The following EGLN1 variants were observed in gnomAD, a reference collection of about 807,000 sequenced individuals.
EGLN1 encodes the protein egl-9 family hypoxia inducible factor 1.
Under a neutral mutation model 38.3 loss-of-function variants are expected in EGLN1, and 17 were observed. That is an observed-to-expected ratio of 0.44 (90% CI 0.30 to 0.67). The LOEUF (loss-of-function observed/expected upper bound fraction) is 0.67, where lower values mean the gene tolerates loss of function less well. Ranked by LOEUF, EGLN1 falls within the 30% of genes least tolerant of loss-of-function variation. EGLN1 has a pLI of 0.08. For synonymous variants in EGLN1, 283 were observed against 257.5 expected (o/e 1.10, Z -0.95); for missense variants, 477 against 603.3 (o/e 0.79, Z 2.19).
intron 1 of EGLN1, 94 bp downstream of exon 1, chr1:231,420,904 G>A (rs781076653): frequency 3.7e-5 from 59 of 1,609,992 alleles, no homozygotes; most frequent in Admixed American, 8.3e-5. Flanking sequence ...CTATATAGAG[G>A]AATGCTGCTT....
chr1:231,377,268 T>G (rs140034564), intron 1 of EGLN1, among the ~76,000 whole-genome samples: 24 of 152,328 alleles, frequency 1.6e-4, no homozygotes, highest in African/African-American at 5.8e-4. Flanking sequence ...AAAGGCTAAT[T>G]AGTATTCGCA....
rs192117490 is a variant in EGLN1, at chr1:231,366,024, C to T, written c.*387G>A. The T allele has an allele frequency of 1.9e-3, 431 of 226,156 alleles. 3 individuals are homozygous for T. The highest frequency in any genetic ancestry group is 9.1e-3 in the African/African-American group (394 of 43,210). 14.0% of individuals were successfully genotyped at this position (226,156 alleles called of 1,614,324 possible). ...CTCAATTCAGTTTAGATAAATTGTA[C>T]CTAATATAGAAAAATTATCCCAAAT... is the stretch of plus-strand genomic sequence containing the variant. On this transcript the variant is annotated 3_prime_UTR_variant, in exon 5 of 5. Coordinates refer to ENST00000366641, the MANE Select transcript of EGLN1 (RefSeq NM_022051.3).
intron 1 of EGLN1, among the ~76,000 whole-genome samples, chr1:231,394,804 C>T (rs1383524050): frequency 6.6e-6 from 1 of 152,046 alleles, no homozygotes; most frequent in Admixed American, 6.6e-5. Context: ...CTAAATTTAT[C>T]TAAATAAATA....
At chr1:231,396,274 T>A (rs505912) in intron 1 of EGLN1, among the ~76,000 whole-genome samples, 1 of 147,356 alleles carries the variant, frequency 6.8e-6, no homozygotes, top group Non-Finnish European at 1.5e-5. Flanking sequence ...TTTTTTGAGA[T>A]TGGGGAGTCT....
In EGLN1 at chr1:231,420,982, C is replaced by G. The variant is rs760569032; in HGVS notation, c.891+16G>C. On this transcript the variant is annotated intron_variant, in intron 1 of 4. Coordinates refer to ENST00000366641, the MANE Select transcript of EGLN1 (RefSeq NM_022051.3). ...GAGAAGGGCCTGTCCAGCACAAACCCGCAGCACACACTTACTTTCGTCCGG... is the reference window on the plus strand; with the variant it reads ...GAGAAGGGCCTGTCCAGCACAAACCGGCAGCACACACTTACTTTCGTCCGG... The G allele has an allele frequency of 6.2e-7, 1 of 1,613,910 alleles. No homozygotes were observed. The highest frequency in any genetic ancestry group is 1.1e-5 in the South Asian group (1 of 91,046).
chr1:231,405,940 T>C (rs540817), intron 1 of EGLN1, among the ~76,000 whole-genome samples: 131,168 of 149,178 alleles, frequency 0.88, 58,016 homozygotes, highest in South Asian at 0.92. Flanking sequence ...AAAACTAGTA[T>C]GAATTCTAGT....
At chr1:231,382,057 T>C (rs1358899865) in intron 1 of EGLN1, among the ~76,000 whole-genome samples, 1 of 152,216 alleles carries the variant, frequency 6.6e-6, no homozygotes, top group Non-Finnish European at 1.5e-5. Flanking sequence ...ATATAATTCG[T>C]TGGAAGAGTC....
At chr1:231,384,155 C>T (rs1688137662) in intron 1 of EGLN1, among the ~76,000 whole-genome samples, 3 of 151,666 alleles carry the variant, frequency 2.0e-5, no homozygotes, top group African/African-American at 4.8e-5. Flanking sequence ...ATGGTGCTGG[C>T]GAGAGAGAAA....
At chr1:231,385,883 G>T (rs948548246) in intron 1 of EGLN1, among the ~76,000 whole-genome samples, 2 of 152,146 alleles carry the variant, frequency 1.3e-5, no homozygotes, top group Admixed American at 6.5e-5. Flanking sequence ...CTGAGACACG[G>T]TCTTGCTCTG....
At chr1:231,387,561 G>T (rs959153034) in intron 1 of EGLN1, among the ~76,000 whole-genome samples, 1 of 151,734 alleles carries the variant, frequency 6.6e-6, no homozygotes, top group Non-Finnish European at 1.5e-5. Flanking sequence ...GGGTTTCGCC[G>T]TGTTAGCCAG....
chr1:231,409,671 G>A (rs1482588996), intron 1 of EGLN1, among the ~76,000 whole-genome samples: 1 of 152,164 alleles, frequency 6.6e-6, no homozygotes, highest in African/African-American at 2.4e-5. Flanking sequence ...GCCAAAGTAA[G>A]AGACAGACGA....
intron 1 of EGLN1, 42 bp downstream of exon 1, chr1:231,420,956 C>A: frequency 6.2e-7 from 1 of 1,613,688 alleles, no homozygotes; most frequent in South Asian, 1.1e-5. Context: ...GGCTGCCCGC[C>A]GAGAAGGGCC....
At position 231,401,310 on chromosome 1, in the gene EGLN1, C is replaced by T. The variant is rs546052199; in HGVS notation, c.891+19688G>A. ...ATGAGGAAAATAGTAATGACCTGCA[C>T]CTCATATGGTTGCTATGATAATTAA... is the stretch of plus-strand genomic sequence containing the variant. On this transcript the variant is annotated intron_variant, in intron 1 of 4. Coordinates refer to ENST00000366641, the MANE Select transcript of EGLN1 (RefSeq NM_022051.3). 5.3e-5 allele frequency among the ~76,000 whole-genome samples: 8 copies of T among 152,212 alleles called. No homozygotes were observed. In the East Asian group the frequency reaches 1.4e-3, roughly 26 times the overall value.
intron 1 of EGLN1, among the ~76,000 whole-genome samples, chr1:231,406,176 A>G (rs1688789616): frequency 1.3e-5 from 2 of 151,884 alleles, no homozygotes; most frequent in South Asian, 4.2e-4. Context: ...AAAAAAAAAA[A>G]AAATTTCAGG....
chr1:231,398,724 T>A (rs1269135801), intron 1 of EGLN1, among the ~76,000 whole-genome samples: 1 of 148,202 alleles, frequency 6.7e-6, no homozygotes, highest in Non-Finnish European at 1.5e-5. Context: ...ATAATGGAGG[T>A]AGGGAGATGA....
chr1:231,394,419 C>T (rs1246984644), intron 1 of EGLN1, among the ~76,000 whole-genome samples: 1 of 144,200 alleles, frequency 6.9e-6, no homozygotes, highest in East Asian at 2.0e-4. Flanking sequence ...CGCTCTGTTG[C>T]CCAGGTTGGA....
chr1:231,421,405 G>A lies in EGLN1; in HGVS notation c.484C>T (p.Leu162=). ...CCGGGCGTGTTGCTTGGGGGGTACAGGTTCGCCTTCTCCTGGAACAGCGAT... is the reference window on the plus strand; with the variant it reads ...CCGGGCGTGTTGCTTGGGGGGTACAAGTTCGCCTTCTCCTGGAACAGCGAT... The part of the protein sequence containing the change: ...RSSLFQEKAN[L]YPPSNTPGDA... Residue 162 remains leucine (L), a synonymous_variant, in exon 1 of 5, where the codon CTG becomes TTG. Transcript: ENST00000366641. The surrounding 1 kb of genome is among the most constrained non-coding windows in gnomAD (Gnocchi z 5.5). The A allele has an allele frequency of 1.3e-6, 2 of 1,597,188 alleles. No homozygotes were observed. Among genetic ancestry groups the A allele is most frequent in the Non-Finnish European group, 1.7e-6 (2 of 1,169,678 alleles).
At chr1:231,384,334 G>A (rs968131677) in intron 1 of EGLN1, among the ~76,000 whole-genome samples, 1 of 149,424 alleles carries the variant, frequency 6.7e-6, no homozygotes, top group East Asian at 2.0e-4. Flanking sequence ...ATTCTAGCAG[G>A]AAAAGAAAGA....
chr1:231,396,245 G>A (rs575909577), intron 1 of EGLN1, among the ~76,000 whole-genome samples: 1 of 131,340 alleles, frequency 7.6e-6, no homozygotes, highest in African/African-American at 2.6e-5. Context: ...TTCCTCACTG[G>A]CTTCTTTTTT....
Sources: gnomAD v4.1 joint callset for allele counts (sites outside exome capture counted in the v4.1 genomes callset) on GRCh38, gnomAD v4.1.1 for gene constraint, Gnocchi (gnomAD v3.1) non-coding constraint, MANE v1.5 for transcripts, NCBI Gene and HGNC (gene_info 2026-07-23, HGNC 2026-07-21) for gene names.